Variants in SAMD8 observed in about 807,000 individuals in gnomAD.
SAMD8 encodes sphingomyelin synthase-related protein 1.
SAMD8 carries 20 observed loss-of-function variants against 42.0 expected under a neutral mutation model. The ratio of observed to expected loss-of-function variants is 0.48; its 90% CI spans 0.34 to 0.69. SAMD8 has a LOEUF of 0.69. SAMD8 is among the 30% of genes least tolerant of loss of function. The pLI, the probability that SAMD8 is intolerant of heterozygous loss-of-function variation, is 0.01. For synonymous variants in SAMD8, 162 were observed against 173.0 expected (o/e 0.94, Z 0.50); for missense variants, 328 against 511.6 (o/e 0.64, Z 3.46).
chr10:75,128,483 A>T (rs1316999229), intron 1 of SAMD8, among the ~76,000 whole-genome samples: 2 of 152,114 alleles, frequency 1.3e-5, no homozygotes, highest in African/African-American at 4.8e-5. Context: ...AAGTGTTGGG[A>T]TTACAGAAAT....
chr10:75,151,632 A>G (rs1840289518), intron 2 of SAMD8, among the ~76,000 whole-genome samples: 1 of 152,074 alleles, frequency 6.6e-6, no homozygotes, highest in African/African-American at 2.4e-5. Flanking sequence ...GATTACAGGC[A>G]TGAGCCATCA....
At chr10:75,114,181 T>C (rs895071421) in intron 1 of SAMD8, among the ~76,000 whole-genome samples, 1 of 151,712 alleles carries the variant, frequency 6.6e-6, no homozygotes, top group Admixed American at 6.6e-5. Flanking sequence ...ACTAATACTA[T>C]AAAAAGAATT....
chr10:75,118,306 A>G (rs16932041), intron 1 of SAMD8, among the ~76,000 whole-genome samples: 4,362 of 152,346 alleles, frequency 0.029, 228 homozygotes, highest in African/African-American at 0.099. Flanking sequence ...TAATTATTGC[A>G]GATTTTATCG....
chr10:75,176,556 C>T lies in SAMD8; in HGVS notation c.1112C>T (p.Ala371Val). ...LYYHTLANTR[A>V]YQQSRRARIW... ...TACCATACTCTGGCCAATACCAGAG[C>T]ATATCAGCAGAGTAGGAGAGCAAGG... The change falls in exon 6 of 6, where the codon GCA becomes GTA. Residue 371 changes from alanine (A) to valine (V), a missense_variant. Coordinates refer to ENST00000542569, the MANE Select transcript of SAMD8 (RefSeq NM_001174156.2). This position sits in a 1 kb window ranked among gnomAD's most constrained non-coding sequence, Gnocchi z 4.3. 1 of 1,550,602 alleles carries T rather than the reference C, an allele frequency of 6.4e-7. No homozygotes were observed.
chr10:75,111,301 C>T (rs1470068328), upstream of SAMD8, among the ~76,000 whole-genome samples: 1 of 152,248 alleles, frequency 6.6e-6, no homozygotes, highest in African/African-American at 2.4e-5. Flanking sequence ...CAGGCCCCGC[C>T]CCGGCTCCGC....
chr10:75,152,225 T>C (rs1840306031), intron 2 of SAMD8, among the ~76,000 whole-genome samples: 2 of 151,724 alleles, frequency 1.3e-5, no homozygotes, highest in African/African-American at 4.8e-5. Flanking sequence ...GTGTAACATA[T>C]GAAAAATAAG....
chr10:75,108,327 C>T, upstream of SAMD8: 3 of 1,455,310 alleles, frequency 2.1e-6, no homozygotes, highest in Non-Finnish European at 2.7e-6. Context: ...GAGTCCAACC[C>T]CAGCAAGCTC....
intron 1 of SAMD8, among the ~76,000 whole-genome samples, chr10:75,147,626 T>G (rs527632778): frequency 1.3e-5 from 2 of 152,216 alleles, no homozygotes; most frequent in East Asian, 3.8e-4. Flanking sequence ...CCCGGCTGGC[T>G]TTGTTTTATG....
At position 75,164,673 on chromosome 10, in the gene SAMD8, A is replaced by T. The variant is rs753777541; in HGVS notation, c.607A>T (p.Met203Leu). Residue 203 changes from methionine to leucine, a missense_variant, in exon 3 of 6, where the codon ATG becomes TTG. Physicochemically the swap from Met to Leu is conservative, Grantham distance 15. Coordinates refer to ENST00000542569, the MANE Select transcript of SAMD8 (RefSeq NM_001174156.2). ...SVPRIPWAFA[M>L]TEVCGMILCY... ...TCCTAGAATCCCATGGGCCTTTGCCATGACGGAAGTATGTGGCATGATTCT... is the reference window on the plus strand; with the variant it reads ...TCCTAGAATCCCATGGGCCTTTGCCTTGACGGAAGTATGTGGCATGATTCT... 1 of 1,614,030 alleles carries T rather than the reference A, an allele frequency of 6.2e-7. No individual in the cohort carries two copies. The highest frequency in any genetic ancestry group is 1.3e-5 in the African/African-American group (1 of 74,940).
At chr10:75,164,547 C>G in intron 2 of SAMD8, 98 bp from the exon 3 acceptor site, 1 of 1,497,482 alleles carries the variant, frequency 6.7e-7, no homozygotes, top group Non-Finnish European at 8.9e-7. Flanking sequence ...TATATAAAAC[C>G]AATTTTAAGG....
At chr10:75,130,209 C>A (rs1849243110) in intron 1 of SAMD8, among the ~76,000 whole-genome samples, 1 of 151,486 alleles carries the variant, frequency 6.6e-6, no homozygotes, top group South Asian at 2.1e-4. Flanking sequence ...TAAAAAAAAA[C>A]ACCTATGATC....
chr10:75,109,057 GAA>G (rs1468602988), upstream of SAMD8: 1 of 1,612,144 alleles, frequency 6.2e-7, no homozygotes, highest in Non-Finnish European at 8.5e-7. Context: ...ACGGCTGCAA[GAA>G]GACTTCCCTG....
At chr10:75,104,236 G>T in intron 1 of SAMD8, 1 of 461,052 alleles carries the variant, frequency 2.2e-6, no homozygotes, top group Non-Finnish European at 3.7e-6. Context: ...AGTGAGTGCA[G>T]CTGCTGGGAG....
chr10:75,166,397 TAAA>T (rs34669331), intron 3 of SAMD8, among the ~76,000 whole-genome samples: 4 of 145,426 alleles, frequency 2.8e-5, no homozygotes, highest in African/African-American at 1.0e-4. Context: ...TGAGATTGCT[TAAA>T]AAAAAAAAAA....
chr10:75,127,825 A>C (rs1310874074), intron 1 of SAMD8, among the ~76,000 whole-genome samples: 9 of 152,238 alleles, frequency 5.9e-5, no homozygotes, highest in African/African-American at 1.9e-4. Flanking sequence ...GAAAGGATTA[A>C]CTAGTTCATG....
chr10:75,104,075 A>G (rs767521575), intron 1 of SAMD8: 3 of 1,358,172 alleles, frequency 2.2e-6, no homozygotes, highest in Admixed American at 3.9e-5. Flanking sequence ...GCAGAGCCCC[A>G]TGGCAGGGAG....
At chr10:75,113,963 A>G (rs1218144231) in intron 1 of SAMD8, among the ~76,000 whole-genome samples, 1 of 152,238 alleles carries the variant, frequency 6.6e-6, no homozygotes, top group Non-Finnish European at 1.5e-5. Context: ...ATGGAGTTGT[A>G]CAATTAACAT....
chr10:75,147,766 A>G (rs1276404001), intron 1 of SAMD8, among the ~76,000 whole-genome samples: 1 of 152,222 alleles, frequency 6.6e-6, no homozygotes, highest in Non-Finnish European at 1.5e-5. Context: ...TATGTATAGT[A>G]GGTAGGGTGA....
intron 1 of SAMD8, among the ~76,000 whole-genome samples, chr10:75,100,813 G>A (rs370997104): frequency 6.9e-4 from 105 of 152,286 alleles, no homozygotes; most frequent in Middle Eastern, 3.4e-3. Context: ...TCACTCCCCC[G>A]TTTGCCTCTG....
Sources: gnomAD v4.1 joint callset for allele counts (sites outside exome capture counted in the v4.1 genomes callset) on GRCh38, gnomAD v4.1.1 for gene constraint, Gnocchi (gnomAD v3.1) non-coding constraint, MANE v1.5 for transcripts, NCBI Gene and HGNC (gene_info 2026-07-23, HGNC 2026-07-21) for gene names.